MAX: variants seen among roughly 807,000 people sequenced by gnomAD.
MAX encodes protein max.
In MAX, 3 loss-of-function variants were observed where a neutral mutation model predicts 22.3. The observed-to-expected ratio is 0.13, with a 90% CI of 0.06 to 0.35. The LOEUF (loss-of-function observed/expected upper bound fraction) is 0.35. Ranked by LOEUF, MAX falls within the 10% of genes least tolerant of loss-of-function variation. The probability of loss-of-function intolerance (pLI) is 1.00; values close to 1 mark genes in which losing one functional copy is unlikely to be tolerated. For synonymous variants in MAX, 72 were observed against 77.7 expected, an observed-to-expected ratio of 0.93 and a Z score of 0.39; for missense variants, 119 against 209.4, an observed-to-expected ratio of 0.57 and a Z score of 2.66.
Position 65,054,805 on chromosome 14 carries a change from G to T in MAX, c.171+38903C>A, listed in dbSNP as rs572769030. On this transcript the variant is annotated intron_variant, in intron 3 of 3. Coordinates refer to the MAX transcript ENST00000341653. This position sits in a 1 kb window ranked among gnomAD's most constrained non-coding sequence, Gnocchi z 4.4. ...CTGTGTGGACAGGCGGAAGCTTGTG[G>T]TCCCTCTGCCCTTCGAGCTGTGCAG... is the stretch of plus-strand genomic sequence containing the variant. The T allele has an allele frequency of 3.6e-5, 41 of 1,151,866 alleles. No homozygotes were observed. The South Asian group carries it at 5.2e-4, about 15-fold the overall frequency. 71.4% of individuals were successfully genotyped at this position (1,151,866 alleles called of 1,614,324 possible). A position where few individuals can be genotyped will look rare whatever the true frequency, so the allele number is the denominator to read the frequency against.
chr14:65,020,053 C>G (rs1275437296), intron 3 of MAX, among the ~76,000 whole-genome samples: 1 of 152,184 alleles, frequency 6.6e-6, no homozygotes, highest in Non-Finnish European at 1.5e-5. Context: ...TTCTTTTCCC[C>G]TGCATGTAAC....
At chr14:65,097,193 C>G (rs780485794) in intron 2 of MAX, among the ~76,000 whole-genome samples, 4 of 152,206 alleles carry the variant, frequency 2.6e-5, no homozygotes, top group Non-Finnish European at 5.9e-5. Context: ...TTGACACTAC[C>G]AAGCACGTGT....
At chr14:65,061,024 G>A (rs1376709477) in intron 3 of MAX, among the ~76,000 whole-genome samples, 1 of 152,062 alleles carries the variant, frequency 6.6e-6, no homozygotes, top group Non-Finnish European at 1.5e-5. Context: ...GTACTAGATA[G>A]TTTTAGCAAA....
intron 2 of MAX, among the ~76,000 whole-genome samples, chr14:65,097,824 G>C (rs918489646): frequency 2.6e-5 from 4 of 152,064 alleles, no homozygotes; most frequent in Non-Finnish European, 4.4e-5. Flanking sequence ...TAAAATAATA[G>C]GCAGGTAGGA....
In MAX at chr14:65,012,240, G is replaced by A. The variant is rs887016233; in HGVS notation, c.172-5956C>T. 3 of 1,575,342 alleles carry A rather than the reference G, an allele frequency of 1.9e-6. No individual in the cohort carries two copies. The highest frequency in any genetic ancestry group is 1.3e-5 in the African/African-American group (1 of 74,102). On this transcript the variant is annotated intron_variant, in intron 3 of 3. Transcript: ENST00000341653. The surrounding 1 kb of genome is among the most constrained non-coding windows in gnomAD (Gnocchi z 5.0). ...CCTGAAGCTGAGTGTTTACCCGTGTGTGTGTACGTGCACATACGTGTGTAT... is the reference window on the plus strand; with the variant it reads ...CCTGAAGCTGAGTGTTTACCCGTGTATGTGTACGTGCACATACGTGTGTAT...
intron 1 of MAX, 162 bp from the exon 2 acceptor site, chr14:65,101,734 C>A: frequency 1.5e-6 from 1 of 648,850 alleles, no homozygotes; most frequent in South Asian, 1.9e-5. Context: ...ACCCTTCCAC[C>A]CTCGGCGGGA....
At chr14:65,060,893 A>C (rs1388960142) in intron 3 of MAX, among the ~76,000 whole-genome samples, 8 of 140,452 alleles carry the variant, frequency 5.7e-5, no homozygotes, top group Admixed American at 2.1e-4. Context: ...AAAAAAAAAA[A>C]AACAGTTTGA....
downstream of MAX, among the ~76,000 whole-genome samples, chr14:65,071,033 A>G (rs1244279719): frequency 1.3e-5 from 2 of 152,234 alleles, no homozygotes; most frequent in African/African-American, 2.4e-5. The surrounding 1 kb of genome is among the most constrained non-coding windows in gnomAD (Gnocchi z 4.2). Flanking sequence ...TTCAGAAAAC[A>G]TGCAAATTTT....
intron 3 of MAX, among the ~76,000 whole-genome samples, chr14:65,010,866 G>C (rs1038030582): frequency 6.6e-6 from 1 of 152,108 alleles, no homozygotes; most frequent in Non-Finnish European, 1.5e-5. Flanking sequence ...CTTGATACCT[G>C]TGCAGCATAG....
chr14:65,055,328 G>A (rs1595101242), intron 3 of MAX, among the ~76,000 whole-genome samples: 1 of 152,094 alleles, frequency 6.6e-6, no homozygotes, highest in East Asian at 1.9e-4. Context: ...AATGGAGACT[G>A]TCCCCAGTGA....
chr14:65,044,284 C>T lies in MAX; in HGVS notation c.172-38000G>A. ...GGATTTTGTCTCTTTTAGCCTACAA[C>T]TGCCTTTCCCATCTGTGTCTCCTCA... On this transcript the variant is annotated intron_variant, in intron 3 of 3. Coordinates refer to the MAX transcript ENST00000341653. The surrounding 1 kb of genome is among the most constrained non-coding windows in gnomAD (Gnocchi z 5.5). 6.2e-7 allele frequency: 1 copy of T among 1,611,832 alleles called. No individual in the cohort carries two copies. The highest frequency in any genetic ancestry group is 8.5e-7 in the Non-Finnish European group (1 of 1,179,130).
At chr14:65,034,962 G>C (rs991050951) in intron 3 of MAX, among the ~76,000 whole-genome samples, 2 of 152,348 alleles carry the variant, frequency 1.3e-5, no homozygotes, top group Middle Eastern at 3.4e-3. Flanking sequence ...AACTTGGTCA[G>C]ACTCAAGCTA....
downstream of MAX, among the ~76,000 whole-genome samples, chr14:65,074,095 T>A (rs560242781): frequency 6.6e-6 from 1 of 152,308 alleles, no homozygotes; most frequent in East Asian, 1.9e-4. Context: ...TGCATCAACA[T>A]GGCTTCACCC....
Position 65,053,272 on chromosome 14 carries a change from C to T in MAX, c.171+40436G>A, listed in dbSNP as rs34156365. On this transcript the variant is annotated intron_variant, in intron 3 of 3. Coordinates refer to the MAX transcript ENST00000341653. ...CCCTTAGCATGAGCCACTGGATGTT[C>T]CATCAGCAGGCCCTGCAGGAGTACA... The T allele has an allele frequency of 0.013, 19,299 of 1,455,536 alleles. 134 individuals carry two copies. The highest frequency in any genetic ancestry group is 0.016 in the Non-Finnish European group (17,270 of 1,094,636). The allele number at this position is 1,455,536 out of a possible 1,614,324, so 90.2% of individuals were successfully genotyped here.
In MAX at chr14:65,027,285, G is replaced by C; in HGVS notation, c.172-21001C>G. 9.6e-7 allele frequency: 1 copy of C among 1,038,690 alleles called. No homozygotes were observed. The highest frequency in any genetic ancestry group is 1.4e-6 in the Non-Finnish European group (1 of 721,970). The allele number at this position is 1,038,690 out of a possible 1,614,324, so 64.3% of individuals were successfully genotyped here. ...ACAGAAATGATGATAGCTGGAGAGA[G>C]AATTAAGCCCTTTGGGGAGAGGTTA... On this transcript the variant is annotated intron_variant, in intron 3 of 3. Coordinates refer to the MAX transcript ENST00000341653. The surrounding 1 kb of genome is among the most constrained non-coding windows in gnomAD (Gnocchi z 5.7).
chr14:65,064,323 C>A (rs1043064597), intron 3 of MAX, among the ~76,000 whole-genome samples: 1 of 152,180 alleles, frequency 6.6e-6, no homozygotes, highest in Non-Finnish European at 1.5e-5. Flanking sequence ...ATTTAAGACA[C>A]CATTGCAACT....
At position 65,027,356 on chromosome 14, in the gene MAX, T is replaced by G. The variant is rs992888383; in HGVS notation, c.172-21072A>C. On this transcript the variant is annotated intron_variant, in intron 3 of 3. Transcript: ENST00000341653. This position sits in a 1 kb window ranked among gnomAD's most constrained non-coding sequence, Gnocchi z 5.7. Reference sequence around the variant, plus strand: ...AGGTTCCCCTCAACTTTTGAGGGAGTGGGGGATCATTGGAAAGGCCTGGAA... The same window carrying G: ...AGGTTCCCCTCAACTTTTGAGGGAGGGGGGGATCATTGGAAAGGCCTGGAA... The G allele has an allele frequency of 1.3e-6, 2 of 1,551,446 alleles. No homozygotes were observed. The highest frequency in any genetic ancestry group is 1.8e-5 in the Admixed American group (1 of 54,762).
chr14:65,076,871 C>A lies in MAX; in HGVS notation c.296-208G>T, dbSNP rs1194326403. 3.1e-6 allele frequency: 2 copies of A among 649,952 alleles called. No individual in the cohort carries two copies. The highest frequency in any genetic ancestry group is 5.6e-6 in the Non-Finnish European group (2 of 359,652). 40.3% of individuals were successfully genotyped at this position (649,952 alleles called of 1,614,324 possible). A position where few individuals can be genotyped will look rare whatever the true frequency, so the allele number is the denominator to read the frequency against. The stretch of plus-strand genomic sequence containing the variant: ...TTTCCCAGCTGGACCTGGGAGCCAG[C>A]AGACACTCTGCAATCCCACCCAACT... On this transcript the variant is annotated intron_variant, in intron 4 of 4. Transcript: ENST00000358664. This position sits in a 1 kb window ranked among gnomAD's most constrained non-coding sequence, Gnocchi z 6.6.
intron 3 of MAX, among the ~76,000 whole-genome samples, chr14:65,025,845 A>G (rs186484975): frequency 7.2e-5 from 11 of 152,254 alleles, no homozygotes; most frequent in Non-Finnish European, 1.2e-4. Context: ...ATAGTGCCAC[A>G]TAATTGTTTT....
Sources: gnomAD v4.1 joint callset for allele counts (sites outside exome capture counted in the v4.1 genomes callset) on GRCh38, gnomAD v4.1.1 for gene constraint, Gnocchi (gnomAD v3.1) non-coding constraint, MANE v1.5 for transcripts, NCBI Gene and HGNC (gene_info 2026-07-23, HGNC 2026-07-21) for gene names.